Variants in PRIMA1 observed in about 807,000 individuals in gnomAD.
PRIMA1 encodes the protein proline-rich membrane anchor 1.
Under a neutral mutation model 17.5 loss-of-function variants are expected in PRIMA1, and 7 were observed. The ratio of observed to expected loss-of-function variants is 0.40; its 90% CI spans 0.23 to 0.75. The LOEUF (loss-of-function observed/expected upper bound fraction) is 0.75. Ranked by LOEUF, PRIMA1 falls within the 30% of genes least tolerant of loss-of-function variation. PRIMA1 has a pLI of 0.37. For missense variants in PRIMA1, 200 were observed against 201.8 expected (o/e 0.99, Z 0.05); for synonymous variants, 97 against 77.9 (o/e 1.25, Z -1.29).
intron 3 of PRIMA1, among the ~76,000 whole-genome samples, chr14:93,776,696 G>C (rs1157264567): frequency 1.3e-5 from 2 of 152,246 alleles, no homozygotes; most frequent in African/African-American, 4.8e-5. Flanking sequence ...AGTTATGAGA[G>C]CTGATTTTAG....
At chr14:93,733,548 T>A (rs1159583212) in intron 4 of PRIMA1, among the ~76,000 whole-genome samples, 1 of 151,846 alleles carries the variant, frequency 6.6e-6, no homozygotes, top group Non-Finnish European at 1.5e-5. Flanking sequence ...CAGAGTCACC[T>A]CCTCCCTGAC....
intron 4 of PRIMA1, among the ~76,000 whole-genome samples, chr14:93,727,760 A>AC (rs993314176): frequency 1.3e-5 from 2 of 151,516 alleles, no homozygotes; most frequent in East Asian, 1.9e-4. Flanking sequence ...AGGTCACGGA[A>AC]CCCCCCTTCA....
chr14:93,724,588 TG>T (rs1566962059), intron 4 of PRIMA1, among the ~76,000 whole-genome samples: 1 of 152,080 alleles, frequency 6.6e-6, no homozygotes, highest in African/African-American at 2.4e-5. Flanking sequence ...GGACAATTTG[TG>T]GGGGTGACAT....
At position 93,718,459 on chromosome 14, in the gene PRIMA1, G is replaced by C. The variant is rs1289951815; in HGVS notation, c.*2985C>G. ...TTGGTGGATAAGACGGCATCAACTT[G>C]TACATTTGCCCATTGAGAGAACTCC... On this transcript the variant is annotated 3_prime_UTR_variant, in exon 5 of 5. Coordinates refer to ENST00000393140, the MANE Select transcript of PRIMA1 (RefSeq NM_178013.4). The C allele has an allele frequency of 1.3e-5, 2 of 152,530 alleles. No homozygotes were observed. Among genetic ancestry groups the C allele is most frequent in the Admixed American group, 6.5e-5 (1 of 15,272 alleles). 9.4% of individuals were successfully genotyped at this position (152,530 alleles called of 1,614,324 possible).
intron 3 of PRIMA1, among the ~76,000 whole-genome samples, chr14:93,778,598 A>G (rs1885287510): frequency 6.6e-6 from 1 of 152,258 alleles, no homozygotes; most frequent in Non-Finnish European, 1.5e-5. Flanking sequence ...AGGGAACTTT[A>G]CCATGTAGAG....
At position 93,721,555 on chromosome 14, in the gene PRIMA1, G is replaced by C; in HGVS notation, c.360-9C>G. 3 of 1,586,328 alleles carry C rather than the reference G, an allele frequency of 1.9e-6. No homozygotes were observed. Among genetic ancestry groups the C allele is most frequent in the Non-Finnish European group, 2.6e-6 (3 of 1,155,808 alleles). ...CTTTTCTCAGTGGTTTCCTGGAAGT[G>C]GGGGGAGGGGACAGGAAAGGCAAAG... On this transcript the variant is annotated splice_polypyrimidine_tract_variant and intron_variant, in intron 4 of 4. Transcript: ENST00000393140.
chr14:93,773,072 A>G (rs1273145164), intron 3 of PRIMA1, among the ~76,000 whole-genome samples: 1 of 152,210 alleles, frequency 6.6e-6, no homozygotes, highest in Non-Finnish European at 1.5e-5. Context: ...CAAGCAGTTA[A>G]GGATTCCTTG....
rs546652565 is a variant in PRIMA1 at position 93,774,154 on chromosome 14, A to G, written c.229+5022T>C. Among the ~76,000 whole-genome samples the G allele has an allele frequency of 2.5e-4, 38 of 152,306 alleles. 1 individual carries two copies. The highest frequency in any genetic ancestry group is 7.2e-4 in the Admixed American group (11 of 15,306). ...AAACAAACACCCCCAAAATAAAGAT[A>G]ACAAAAAACAATTTGAAAAACCACT... On this transcript the variant is annotated intron_variant, in intron 3 of 4. Coordinates refer to ENST00000393140, the MANE Select transcript of PRIMA1 (RefSeq NM_178013.4).
intron 3 of PRIMA1, among the ~76,000 whole-genome samples, chr14:93,759,760 C>A: frequency 6.6e-6 from 1 of 152,204 alleles, no homozygotes; most frequent in East Asian, 1.9e-4. Context: ...GCAGCTCTGT[C>A]CCCGGGAGCC....
chr14:93,772,477 CTCCT>C (rs1288019249), intron 3 of PRIMA1, among the ~76,000 whole-genome samples: 1 of 152,272 alleles, frequency 6.6e-6, no homozygotes, highest in Non-Finnish European at 1.5e-5. Context: ...TGGTACACAT[CTCCT>C]TCCATGGCCT....
chr14:93,765,390 C>T (rs1040399691), intron 3 of PRIMA1, among the ~76,000 whole-genome samples: 1 of 150,494 alleles, frequency 6.6e-6, no homozygotes, highest in Non-Finnish European at 1.5e-5. Flanking sequence ...TCGGATCAGA[C>T]ACTTAATAGG....
intron 3 of PRIMA1, among the ~76,000 whole-genome samples, chr14:93,770,083 T>C (rs1230695381): frequency 6.6e-6 from 1 of 152,068 alleles, no homozygotes; most frequent in East Asian, 1.9e-4. Flanking sequence ...ACTGAGTGAG[T>C]CCCTGCTGCA....
chr14:93,786,559 C>G (rs568681937), intron 2 of PRIMA1, among the ~76,000 whole-genome samples: 20 of 152,256 alleles, frequency 1.3e-4, no homozygotes, highest in African/African-American at 4.8e-4. Flanking sequence ...GTCACCCCTA[C>G]TAGTACAGAG....
In PRIMA1 at chr14:93,718,318, GA is replaced by G. The variant is rs1157057516; in HGVS notation, c.*3125del. The G allele has an allele frequency of 6.6e-6, 1 of 150,634 alleles. No individual in the cohort carries two copies. Among genetic ancestry groups the G allele is most frequent in the Admixed American group, 6.6e-5 (1 of 15,122 alleles). The allele number at this position is 150,634 out of a possible 1,614,324, so 9.3% of individuals were successfully genotyped here. A position where few individuals can be genotyped will look rare whatever the true frequency, so the allele number is the denominator to read the frequency against. On this transcript the variant is annotated 3_prime_UTR_variant, in exon 5 of 5. Transcript: ENST00000393140. Reference sequence around the variant, plus strand: ...TGACAGACATCTCTATATTTTTATTGAAAATAAAAAAGTCATGGTGCTTTCT... The same window carrying G: ...TGACAGACATCTCTATATTTTTATTGAAATAAAAAAGTCATGGTGCTTTCT...
At chr14:93,734,948 C>T (rs1227799360) in intron 4 of PRIMA1, among the ~76,000 whole-genome samples, 3 of 152,188 alleles carry the variant, frequency 2.0e-5, no homozygotes, top group East Asian at 1.9e-4. Context: ...CCCAGCCCAC[C>T]TGAGACAAAG....
intron 2 of PRIMA1, among the ~76,000 whole-genome samples, chr14:93,780,558 G>A (rs922164856): frequency 2.6e-5 from 4 of 152,168 alleles, no homozygotes; most frequent in African/African-American, 9.7e-5. Context: ...GAGTGAGCTG[G>A]GCTCCACCAG....
At chr14:93,764,110 C>T (rs1051655076) in intron 3 of PRIMA1, among the ~76,000 whole-genome samples, 1 of 152,084 alleles carries the variant, frequency 6.6e-6, no homozygotes, top group Non-Finnish European at 1.5e-5. Context: ...TCTAACCCCC[C>T]AGCACTGCCT....
chr14:93,734,432 AC>A (rs1389290093), intron 4 of PRIMA1, among the ~76,000 whole-genome samples: 1 of 151,916 alleles, frequency 6.6e-6, no homozygotes, highest in Non-Finnish European at 1.5e-5. Context: ...GACAGTTCCA[AC>A]CGCAACTCCT....
At position 93,724,986 on chromosome 14, in the gene PRIMA1, G is replaced by T. The variant is rs1249226063; in HGVS notation, c.360-3440C>A. 2.6e-5 allele frequency among the ~76,000 whole-genome samples: 4 copies of T among 152,256 alleles called. No homozygotes were observed. The South Asian group carries it at 6.2e-4, about 24-fold the overall frequency. On this transcript the variant is annotated intron_variant, in intron 4 of 4. Transcript: ENST00000393140. ...AGGATTTCTATTGGCAGGAGGCAAG[G>T]AGACAGTTCTAAAGGCTTCCTGCCA...
Sources: allele counts gnomAD v4.1 joint callset (sites outside exome capture counted in the v4.1 genomes callset), GRCh38; gene constraint gnomAD v4.1.1; transcripts MANE v1.5; gene names NCBI Gene and HGNC (gene_info 2026-07-23, HGNC 2026-07-21).